MACF1: variants seen among roughly 807,000 people sequenced by gnomAD.
MACF1 encodes the protein microtubule actin crosslinking factor 1.
Under a neutral mutation model 854.8 loss-of-function variants are expected in MACF1, and 193 were observed. That is an observed-to-expected ratio of 0.23 (90% CI 0.20 to 0.25). The LOEUF (loss-of-function observed/expected upper bound fraction) is 0.25. MACF1 is among the 10% of genes least tolerant of loss of function. The probability of loss-of-function intolerance (pLI) is 1.00; values close to 1 mark genes in which losing one functional copy is unlikely to be tolerated. For missense variants in MACF1, 7,722 were observed against 8,929.1 expected (o/e 0.86, Z 5.45); for synonymous variants, 3,185 against 3,226.7 (o/e 0.99, Z 0.44).
chr1:39,457,102 A>G (rs1347023356), intron 89 of MACF1: 1 of 152,170 alleles, frequency 6.6e-6, no homozygotes, highest in African/African-American at 2.4e-5. Flanking sequence ...AGCTTTAGCT[A>G]TTACCTATAA....
At chr1:39,386,518 G>A (rs779692495) in intron 57 of MACF1, among the ~76,000 whole-genome samples, 9 of 150,606 alleles carry the variant, frequency 6.0e-5, no homozygotes, top group South Asian at 4.2e-4. Context: ...TGCAACCTCC[G>A]CCTCCTCGGT....
intron 87 of MACF1, 86 bp from the exon 88 acceptor site, chr1:39,453,621 T>C: frequency 1.7e-6 from 2 of 1,196,278 alleles, no homozygotes; most frequent in East Asian, 2.3e-5. Flanking sequence ...AAAGAAAACA[T>C]TGAAATTTAT....
At chr1:39,119,695 T>A (rs564453099) in intron 2 of MACF1, among the ~76,000 whole-genome samples, 4 of 152,158 alleles carry the variant, frequency 2.6e-5, no homozygotes, top group African/African-American at 9.7e-5. Flanking sequence ...TCCCTGCTCC[T>A]GGACCTGCCT....
At chr1:39,314,474 A>G (rs575780646) in intron 26 of MACF1, among the ~76,000 whole-genome samples, 45 of 151,762 alleles carry the variant, frequency 3.0e-4, no homozygotes, top group Non-Finnish European at 5.7e-4. Context: ...CACACGTGTT[A>G]CATATACACA....
chr1:39,318,398 A>C, intron 29 of MACF1, 55 bp from the exon 30 acceptor site: 1 of 1,496,334 alleles, frequency 6.7e-7, no homozygotes. Flanking sequence ...TACCTCATTT[A>C]CTTTATTGTA....
At chr1:39,322,582 CTG>C (rs1171887667) in intron 31 of MACF1, 24 bp from the exon 32 acceptor site, 4 of 1,550,470 alleles carry the variant, frequency 2.6e-6, no homozygotes, top group Non-Finnish European at 3.6e-6. Flanking sequence ...CCCTGAGTAA[CTG>C]TAGCGAAATT....
chr1:39,478,886 G>A (rs997048415), intron 97 of MACF1, among the ~76,000 whole-genome samples: 1 of 152,206 alleles, frequency 6.6e-6, no homozygotes, highest in Admixed American at 6.5e-5. Flanking sequence ...AGTTTAGGGT[G>A]GATGAGGAGG....
chr1:39,131,582 C>T (rs1285710165), intron 2 of MACF1, among the ~76,000 whole-genome samples: 2 of 152,140 alleles, frequency 1.3e-5, no homozygotes, highest in Non-Finnish European at 2.9e-5. Context: ...TCTCACTTAT[C>T]TTTGTATCTC....
chr1:39,484,855 A>T, intron 100 of MACF1, 125 bp downstream of exon 100: 1 of 1,081,332 alleles, frequency 9.2e-7, no homozygotes, highest in Non-Finnish European at 1.4e-6. Context: ...GCCCAGAAAG[A>T]CAGACCTGCA....
intron 97 of MACF1, among the ~76,000 whole-genome samples, chr1:39,476,775 A>G (rs1644892448): frequency 6.6e-6 from 1 of 151,770 alleles, no homozygotes; most frequent in African/African-American, 2.4e-5. Context: ...CATGTAGGGC[A>G]TGGAGTAAAG....
At chr1:39,312,125 G>A (rs910659638) in intron 26 of MACF1, among the ~76,000 whole-genome samples, 9 of 152,130 alleles carry the variant, frequency 5.9e-5, no homozygotes, top group African/African-American at 1.2e-4. Context: ...TTGGGAGGCC[G>A]AGATGGGAGA....
At chr1:39,274,625 G>A (rs1645398005) in intron 6 of MACF1, among the ~76,000 whole-genome samples, 1 of 152,130 alleles carries the variant, frequency 6.6e-6, no homozygotes, top group East Asian at 1.9e-4. Flanking sequence ...GCGGATTTTG[G>A]TATCTGAGGG....
intron 1 of MACF1, among the ~76,000 whole-genome samples, chr1:39,216,283 TG>T (rs1299435717): frequency 1.3e-5 from 2 of 152,246 alleles, no homozygotes; most frequent in Non-Finnish European, 2.9e-5. Flanking sequence ...TATATGGTAG[TG>T]TGTTTTTAAG....
intron 2 of MACF1, among the ~76,000 whole-genome samples, chr1:39,125,185 C>T (rs943412102): frequency 6.6e-6 from 1 of 152,126 alleles, no homozygotes; most frequent in Non-Finnish European, 1.5e-5. Flanking sequence ...AAAGTCTGTT[C>T]AGTGATTCAT....
intron 52 of MACF1, chr1:39,372,943 C>G (rs1375400071): frequency 1.3e-5 from 3 of 237,304 alleles, no homozygotes; most frequent in Admixed American, 6.0e-5. Flanking sequence ...AACTTGGGCA[C>G]TGGCCAGCCA....
chr1:39,107,214 C>T (rs577701993), intron 2 of MACF1, among the ~76,000 whole-genome samples: 2 of 152,252 alleles, frequency 1.3e-5, no homozygotes, highest in South Asian at 4.1e-4. Context: ...CTCAGCACCT[C>T]ACTGGATGGT....
At chr1:39,147,554 C>G (rs1445038605) in intron 2 of MACF1, among the ~76,000 whole-genome samples, 4 of 149,658 alleles carry the variant, frequency 2.7e-5, no homozygotes, top group African/African-American at 9.9e-5. Flanking sequence ...GGGTCTTGCT[C>G]TGTTGCCCAG....
At chr1:39,109,087 C>G (rs1642327264) in intron 2 of MACF1, among the ~76,000 whole-genome samples, 3 of 152,114 alleles carry the variant, frequency 2.0e-5, no homozygotes, top group African/African-American at 7.2e-5. Flanking sequence ...TGGATTTCTT[C>G]TGTTGTGGGC....
chr1:39,360,424 A>C (rs957658124), intron 47 of MACF1, among the ~76,000 whole-genome samples: 2 of 151,862 alleles, frequency 1.3e-5, no homozygotes, highest in Non-Finnish European at 2.9e-5. Flanking sequence ...ATCTAGTACA[A>C]TTTCTGGTTC....
Sources: allele counts gnomAD v4.1 joint callset (sites outside exome capture counted in the v4.1 genomes callset), GRCh38; gene constraint gnomAD v4.1.1; transcripts MANE v1.5; gene names NCBI Gene and HGNC (gene_info 2026-07-23, HGNC 2026-07-21).